Variants in PIR observed in about 807,000 individuals in gnomAD.
PIR encodes the protein pirin, also known as pirin (iron-binding nuclear protein).
PIR carries 22 observed loss-of-function variants against 24.2 expected under a neutral mutation model. The observed-to-expected ratio is 0.91, with a 90% CI of 0.65 to 1.30. The LOEUF (loss-of-function observed/expected upper bound fraction) is 1.30, where lower values mean the gene tolerates loss of function less well. PIR is among the 50% of genes most tolerant of loss of function. The pLI is 0.00. For missense variants in PIR, 220 were observed against 220.3 expected, an observed-to-expected ratio of 1.00 and a Z score of 0.01; for synonymous variants, 80 against 79.6, an observed-to-expected ratio of 1.00 and a Z score of -0.03.
At chrX:15,429,654 A>G (rs977056649) in intron 5 of PIR, 9 of 111,809 alleles carry the variant, frequency 8.0e-5, no homozygotes, top group Non-Finnish European at 1.3e-4. Flanking sequence ...CAGATGATAG[A>G]GATCATCCTG....
chrX:15,409,259 C>T (rs776661855), intron 6 of PIR, among the ~76,000 whole-genome samples: 446 of 35,807 alleles, frequency 0.012, 4 homozygotes, highest in African/African-American at 0.068. Flanking sequence ...CCACCATGCC[C>T]AGCTAATTTT....
chrX:15,389,988 C>CT, intron 9 of PIR, 197 bp downstream of exon 9: 1 of 278,738 alleles, frequency 3.6e-6, no homozygotes, highest in Non-Finnish European at 6.5e-6. Flanking sequence ...AGAAATGTTT[C>CT]TTTAAAAAAA....
chrX:15,395,189 T>G (rs1924088490), intron 8 of PIR, among the ~76,000 whole-genome samples: 1 of 111,887 alleles, frequency 8.9e-6, no homozygotes, highest in Non-Finnish European at 1.9e-5. Flanking sequence ...TCTTGGAGCC[T>G]TCTTCTACCT....
At chrX:15,435,965 G>C (rs147553244) in intron 5 of PIR, among the ~76,000 whole-genome samples, 18 of 112,484 alleles carry the variant, frequency 1.6e-4, no homozygotes, top group African/African-American at 5.8e-4. Flanking sequence ...CAATGGGAAA[G>C]ATTAGTTTCC....
Position 15,425,945 on chromosome X carries a change from A to G in PIR, c.526T>C (p.Leu176=), listed in dbSNP as rs746739175. 2.5e-5 allele frequency: 30 copies of G among 1,197,550 alleles called. No homozygotes were observed. The African/African-American group carries it at 4.9e-4, about 20-fold the overall frequency. ...RTPTLYLDFK[L]DPGAKHSQPI... is the part of the protein sequence containing the mutation. ...TGGGAATGTTTGGCTCCTGGGTCCA[A>G]TTTGAAGTCCAAATATAAGGTTGGT... is the stretch of plus-strand genomic sequence containing the variant. Residue 176 remains leucine (L), a synonymous_variant, in exon 6 of 10, where the codon TTG becomes CTG. Coordinates refer to ENST00000380420, the MANE Select transcript of PIR (RefSeq NM_001018109.3).
intron 6 of PIR, among the ~76,000 whole-genome samples, chrX:15,418,397 AG>A (rs1569198038): frequency 1.8e-5 from 2 of 112,469 alleles, no homozygotes; most frequent in Non-Finnish European, 3.8e-5. Flanking sequence ...ATCAGTTTAC[AG>A]CAAAAGGAAA....
At chrX:15,485,452 T>G (rs1416944320) in intron 2 of PIR, among the ~76,000 whole-genome samples, 2 of 111,703 alleles carry the variant, frequency 1.8e-5, no homozygotes, top group Non-Finnish European at 3.8e-5. Context: ...ACCATCATAT[T>G]GAGTGTTAGG....
chrX:15,469,593 A>C (rs1391824331), intron 3 of PIR, among the ~76,000 whole-genome samples: 2 of 111,932 alleles, frequency 1.8e-5, no homozygotes, highest in African/African-American at 6.5e-5. Context: ...TGGAGGAGGA[A>C]TCCTCCCAGG....
At position 15,414,379 on chromosome X, in the gene PIR, G is replaced by A. The variant is rs190138602; in HGVS notation, c.566-6829C>T. 1.2e-3 allele frequency among the ~76,000 whole-genome samples: 139 copies of A among 112,000 alleles called. 1 individual carries two copies. Among genetic ancestry groups the A allele is most frequent in the African/African-American group, 4.3e-3 (133 of 30,880 alleles). On this transcript the variant is annotated intron_variant, in intron 6 of 9. Transcript: ENST00000380420. ...TCTTGGTTTTATTTGAACAGAACTT[G>A]TCTCCTCTTCAGACACACAGTATTC...
intron 3 of PIR, among the ~76,000 whole-genome samples, chrX:15,460,352 G>A (rs767968327): frequency 8.9e-6 from 1 of 112,038 alleles, no homozygotes; most frequent in Non-Finnish European, 1.9e-5. Flanking sequence ...TAGAGTATCT[G>A]TTGACCAATA....
Position 15,419,006 on chromosome X carries a change from C to G in PIR, c.565+6900G>C, listed in dbSNP as rs752765974. Among the ~76,000 whole-genome samples, 8 of 111,090 alleles carry G rather than the reference C, an allele frequency of 7.2e-5. No homozygotes were observed. The South Asian group carries it at 1.5e-3, about 21-fold the overall frequency. The stretch of plus-strand genomic sequence containing the variant: ...CAAAACATTATAAACGAAACATGTC[C>G]AGGACCCAGCCAATGGCCTACACAT... On this transcript the variant is annotated intron_variant, in intron 6 of 9. Coordinates refer to ENST00000380420, the MANE Select transcript of PIR (RefSeq NM_001018109.3).
intron 9 of PIR, among the ~76,000 whole-genome samples, chrX:15,388,481 G>A (rs940714471): frequency 4.5e-5 from 5 of 112,297 alleles, no homozygotes; most frequent in African/African-American, 1.6e-4. Flanking sequence ...TCTGTAAAAT[G>A]GGCATGAGAG....
chrX:15,394,391 A>C (rs780287755), intron 8 of PIR, among the ~76,000 whole-genome samples: 1 of 112,161 alleles, frequency 8.9e-6, no homozygotes, highest in Non-Finnish European at 1.9e-5. Flanking sequence ...TATATAGTCA[A>C]ATGTTAATCT....
At chrX:15,429,731 C>A (rs2147035258) in intron 5 of PIR, 1 of 110,468 alleles carries the variant, frequency 9.1e-6, no homozygotes, top group African/African-American at 3.3e-5. Context: ...CGGTGGTCGT[C>A]TGTAGTCCCA....
intron 6 of PIR, among the ~76,000 whole-genome samples, chrX:15,421,381 A>C (rs1455073402): frequency 9.0e-6 from 1 of 111,579 alleles, no homozygotes; most frequent in Non-Finnish European, 1.9e-5. Flanking sequence ...AAGATAAATA[A>C]AATTGACAAA....
rs773172117 is a variant in PIR at position 15,425,974 on chromosome X, C to T, written c.497G>A (p.Arg166His). The T allele has an allele frequency of 5.1e-6, 6 of 1,181,397 alleles. No homozygotes were observed. Among genetic ancestry groups the T allele is most frequent in the Middle Eastern group, 2.3e-4 (1 of 4,265 alleles). Residue 166 changes from arginine (R) to histidine (H), a missense_variant, in exon 6 of 10, where the codon CGC (arginine) becomes CAC (histidine). Physicochemically the swap from Arg to His is conservative, Grantham distance 29. Coordinates refer to ENST00000380420, the MANE Select transcript of PIR (RefSeq NM_001018109.3). ...ALGIKSKVYT[R>H]TPTLYLDFKL... ...GAAGTCCAAATATAAGGTTGGTGTGCGAGTGTAAACCTTGGACTGAAAAGG... is the reference window on the plus strand; with the variant it reads ...GAAGTCCAAATATAAGGTTGGTGTGTGAGTGTAAACCTTGGACTGAAAAGG...
chrX:15,436,186 C>T (rs1287617107), intron 5 of PIR, among the ~76,000 whole-genome samples: 1 of 112,354 alleles, frequency 8.9e-6, no homozygotes, highest in Non-Finnish European at 1.9e-5. Flanking sequence ...ATCAAGCTGT[C>T]TAGCTGACCA....
At chrX:15,473,274 C>T (rs1412055187) in intron 3 of PIR, among the ~76,000 whole-genome samples, 1 of 111,167 alleles carries the variant, frequency 9.0e-6, no homozygotes, top group Non-Finnish European at 1.9e-5. Flanking sequence ...CAATTGGCAC[C>T]GAGTGGGTAG....
intron 3 of PIR, among the ~76,000 whole-genome samples, chrX:15,478,022 C>T (rs910312895): frequency 1.2e-5 from 1 of 83,888 alleles, no homozygotes; most frequent in Middle Eastern, 5.7e-3. Flanking sequence ...ATTCCCCCCC[C>T]CCCAGAAAGC....
Sources: gnomAD v4.1 joint callset for allele counts (sites outside exome capture counted in the v4.1 genomes callset) on GRCh38, gnomAD v4.1.1 for gene constraint, MANE v1.5 for transcripts, NCBI Gene and HGNC (gene_info 2026-07-23, HGNC 2026-07-21) for gene names.